The following LRRC74A variants were observed in gnomAD, a reference collection of about 807,000 sequenced individuals.
The protein encoded by LRRC74A is leucine-rich repeat-containing protein 74A.
LRRC74A carries 44 observed loss-of-function variants against 57.9 expected under a neutral mutation model. The observed-to-expected ratio is 0.76, with a 90% confidence interval of 0.60 to 0.98. The LOEUF is 0.98. LRRC74A is among the 50% of genes least tolerant of loss of function. The probability of loss-of-function intolerance (pLI) is 0.00; values close to 1 mark genes in which losing one functional copy is unlikely to be tolerated. For synonymous variants in LRRC74A, 211 were observed against 219.4 expected, an observed-to-expected ratio of 0.96 and a Z score of 0.34; for missense variants, 572 against 574.0, an observed-to-expected ratio of 1.00 and a Z score of 0.04.
At position 76,853,342 on chromosome 14, in the gene LRRC74A, A is replaced by T; in HGVS notation, c.889A>T (p.Ile297Phe). The T allele has an allele frequency of 2.5e-6, 4 of 1,613,454 alleles. No individual in the cohort carries two copies. The change falls in exon 9 of 14, where the codon ATC becomes TTC. Residue 297 changes from isoleucine to phenylalanine, a missense_variant. Transcript: ENST00000689127. Reference protein sequence around the residue: ...LVYLDIGGNDIGNEGASKISK... With the variant: ...LVYLDIGGNDFGNEGASKISK... ...CTACCTGGATATCGGTGGCAATGAC[A>T]TCGGCAATGAAGGGGCCTCCAAAAT...
At chr14:76,840,187 C>T (rs1468169373) in intron 5 of LRRC74A, among the ~76,000 whole-genome samples, 4 of 151,926 alleles carry the variant, frequency 2.6e-5, no homozygotes, top group East Asian at 1.9e-4. Context: ...TGGCATGTAC[C>T]GACAGTCCCA....
At position 76,831,657 on chromosome 14, in the gene LRRC74A, C is replaced by T. The variant is rs564819897; in HGVS notation, c.339+282C>T. Among the ~76,000 whole-genome samples the T allele has an allele frequency of 1.6e-4, 24 of 152,242 alleles. No individual in the cohort carries two copies. The South Asian group carries it at 5.0e-3, about 32-fold the overall frequency. ...TTTGCTGTTCAGGAAGCAAAGGCACCAGCCCCTGGGCCCAGGAAAAGTGAC... is the reference window on the plus strand; with the variant it reads ...TTTGCTGTTCAGGAAGCAAAGGCACTAGCCCCTGGGCCCAGGAAAAGTGAC... On this transcript the variant is annotated intron_variant, in intron 3 of 13. Coordinates refer to ENST00000689127, the MANE Select transcript of LRRC74A (RefSeq NM_001385106.1).
chr14:76,843,287 C>CAAA (rs59087508), intron 5 of LRRC74A, among the ~76,000 whole-genome samples: 2 of 130,540 alleles, frequency 1.5e-5, no homozygotes, highest in African/African-American at 3.1e-5. Flanking sequence ...GACTCCGTCT[C>CAAA]AAAAAAAAAA....
At chr14:76,863,398 T>C (rs901727274) in intron 11 of LRRC74A, among the ~76,000 whole-genome samples, 4 of 152,086 alleles carry the variant, frequency 2.6e-5, no homozygotes, top group African/African-American at 9.7e-5. Flanking sequence ...CCTCTTTGCA[T>C]CAGCTCTCCC....
chr14:76,828,297 T>G lies in LRRC74A; in HGVS notation c.44T>G (p.Ile15Ser). 5.6e-6 allele frequency: 9 copies of G among 1,593,406 alleles called. No homozygotes were observed. The highest frequency in any genetic ancestry group is 6.9e-6 in the Non-Finnish European group (8 of 1,164,692). Residue 15 changes from isoleucine to serine, a missense_variant, in exon 2 of 14, where the codon ATT becomes AGT. Ile to Ser is a moderately radical substitution (Grantham distance 142, BLOSUM62 -2). Transcript: ENST00000689127. ...GATGAGTTTTTTCTTCCAGATGAGATTGAAATTGAGCCAGTACGACAGAGC... is the reference window on the plus strand; with the variant it reads ...GATGAGTTTTTTCTTCCAGATGAGAGTGAAATTGAGCCAGTACGACAGAGC... Reference protein sequence around the residue: ...KPLQPETEDEIEIEPVRQSSD... With the variant: ...KPLQPETEDESEIEPVRQSSD...
At chr14:76,845,026 C>A (rs1452965887) in intron 7 of LRRC74A, 125 bp downstream of exon 7, 4 of 624,256 alleles carry the variant, frequency 6.4e-6, no homozygotes, top group South Asian at 2.0e-5. Flanking sequence ...GTAAACATGC[C>A]CAAAATACAT....
chr14:76,850,637 CG>C (rs1313046803), intron 7 of LRRC74A, among the ~76,000 whole-genome samples: 2 of 151,916 alleles, frequency 1.3e-5, no homozygotes, highest in Non-Finnish European at 2.9e-5. Flanking sequence ...GAGTCCGAGG[CG>C]GGTGGATCAC....
chr14:76,866,235 C>A (rs1328727842), intron 12 of LRRC74A, among the ~76,000 whole-genome samples, 160 bp downstream of exon 12: 1 of 152,146 alleles, frequency 6.6e-6, no homozygotes, highest in South Asian at 2.1e-4. Flanking sequence ...TATCTAGACC[C>A]AGAGGGGAAC....
At chr14:76,836,019 G>C (rs1429672864) in intron 3 of LRRC74A, among the ~76,000 whole-genome samples, 188 bp from the exon 4 acceptor site, 1 of 152,180 alleles carries the variant, frequency 6.6e-6, no homozygotes, top group East Asian at 1.9e-4. Context: ...CAGAATCAGC[G>C]TATTGTCCTA....
At chr14:76,834,767 T>C (rs1896204230) in intron 3 of LRRC74A, among the ~76,000 whole-genome samples, 1 of 152,192 alleles carries the variant, frequency 6.6e-6, no homozygotes, top group African/African-American at 2.4e-5. Flanking sequence ...AATCTGGCAG[T>C]GGTGATTCGA....
Position 76,864,153 on chromosome 14 carries a change from C to T in LRRC74A, c.1201-1815C>T, listed in dbSNP as rs571300589. On this transcript the variant is annotated intron_variant, in intron 11 of 13. Transcript: ENST00000689127. Reference sequence around the variant, plus strand: ...AGCAGCAGTGTGCTGCTTCAGAGCACGAGGTGCACTTTGGATGTGTTGATT... The same window carrying T: ...AGCAGCAGTGTGCTGCTTCAGAGCATGAGGTGCACTTTGGATGTGTTGATT... Among the ~76,000 whole-genome samples the T allele has an allele frequency of 1.8e-4, 27 of 152,212 alleles. No individual in the cohort carries two copies. In the South Asian group the frequency reaches 2.7e-3, roughly 15 times the overall value.
chr14:76,836,432 C>A, intron 4 of LRRC74A, 118 bp downstream of exon 4: 1 of 639,872 alleles, frequency 1.6e-6, no homozygotes, highest in Non-Finnish European at 2.7e-6. Flanking sequence ...CCCGCCCCTG[C>A]CCTTCCCACA....
In LRRC74A at chr14:76,869,437, T is replaced by C. The variant is rs556127475; in HGVS notation, c.1392-688T>C. Among the ~76,000 whole-genome samples the C allele has an allele frequency of 3.4e-4, 51 of 151,618 alleles. No homozygotes were observed. The East Asian group carries it at 8.8e-3, about 26-fold the overall frequency. On this transcript the variant is annotated intron_variant, in intron 13 of 13. Transcript: ENST00000689127. ...GATCCTTTTCATTTTTGTTTTATGT[T>C]ACAAATAATATCTCATTGTAAAAAT...
At chr14:76,843,027 G>A (rs899419863) in intron 5 of LRRC74A, among the ~76,000 whole-genome samples, 3 of 152,128 alleles carry the variant, frequency 2.0e-5, no homozygotes, top group South Asian at 4.2e-4. Context: ...CACCAGGTGC[G>A]AATCCCAGCA....
intron 2 of LRRC74A, 167 bp downstream of exon 2, chr14:76,828,586 C>T (rs777037895): frequency 7.8e-6 from 8 of 1,024,332 alleles, no homozygotes; most frequent in South Asian, 6.7e-5. Context: ...AGTCCTCCTC[C>T]GGGCTGGCAG....
intron 5 of LRRC74A, 73 bp from the exon 6 acceptor site, chr14:76,844,350 G>A: frequency 7.3e-7 from 1 of 1,371,564 alleles, no homozygotes; most frequent in Non-Finnish European, 1.0e-6. Context: ...AGTGGACTGG[G>A]AGGGGCAGGG....
chr14:76,857,308 T>A, intron 9 of LRRC74A, 72 bp from the exon 10 acceptor site: 1 of 871,970 alleles, frequency 1.1e-6, no homozygotes. Flanking sequence ...TTTGATGAGA[T>A]GTAGAAACTG....
chr14:76,828,362 A>T lies in LRRC74A; in HGVS notation c.109A>T (p.Thr37Ser). The T allele has an allele frequency of 6.2e-7, 1 of 1,613,848 alleles. No homozygotes were observed. Among genetic ancestry groups the T allele is most frequent in the South Asian group, 1.1e-5 (1 of 91,080 alleles). Residue 37 changes from threonine (T) to serine (S), a missense_variant, in exon 2 of 14, where the codon ACT (threonine) becomes TCT (serine). Transcript: ENST00000689127. The part of the protein sequence containing the change: ...MLYCEAESPP[T>S]VEKVKPAREN... ...CTACTGTGAGGCCGAATCCCCGCCGACTGTTGAAAAAGTGAAACCAGCCCG... is the reference window on the plus strand; with the variant it reads ...CTACTGTGAGGCCGAATCCCCGCCGTCTGTTGAAAAAGTGAAACCAGCCCG...
At position 76,853,293 on chromosome 14, in the gene LRRC74A, C is replaced by A. The variant is rs780546639; in HGVS notation, c.840C>A (p.Val280=). ...GNEVALALGE[V]LRLNRCLVYL... is the part of the protein sequence containing the mutation. ...AGGTGGCTCTGGCCCTAGGGGAAGTCCTCCGACTCAACCGCTGCCTGGTCT... is the reference window on the plus strand; with the variant it reads ...AGGTGGCTCTGGCCCTAGGGGAAGTACTCCGACTCAACCGCTGCCTGGTCT... The change falls in exon 9 of 14, where the codon GTC becomes GTA. Residue 280 remains valine, a synonymous_variant. Coordinates refer to ENST00000689127, the MANE Select transcript of LRRC74A (RefSeq NM_001385106.1). 4 of 1,613,522 alleles carry A rather than the reference C, an allele frequency of 2.5e-6. No individual in the cohort carries two copies. In the African/African-American group the frequency reaches 5.3e-5, roughly 22 times the overall value.
Sources: allele counts gnomAD v4.1 joint callset (sites outside exome capture counted in the v4.1 genomes callset), GRCh38; gene constraint gnomAD v4.1.1; transcripts MANE v1.5; gene names NCBI Gene and HGNC (gene_info 2026-07-23, HGNC 2026-07-21).